Variants in RBCK1 observed in about 807,000 individuals in gnomAD.
RBCK1 encodes the protein ranBP-type and C3HC4-type zinc finger-containing protein 1.
A neutral mutation model predicts 71.1 loss-of-function variants in RBCK1; 44 were observed. The ratio of observed to expected loss-of-function variants is 0.62; its 90% CI spans 0.49 to 0.80. RBCK1 has a LOEUF of 0.80. Among genes scored for constraint, RBCK1 ranks in the 30% least tolerant of loss-of-function variants. The pLI is 0.00. For synonymous variants in RBCK1, 306 were observed against 279.7 expected (o/e 1.09, Z -0.94); for missense variants, 569 against 685.0 (o/e 0.83, Z 1.89).
chr20:426,374 A>G (rs1258563054), intron 8 of RBCK1, among the ~76,000 whole-genome samples: 4 of 152,154 alleles, frequency 2.6e-5, no homozygotes, highest in Non-Finnish European at 5.9e-5. Context: ...AGCCTCTGGT[A>G]AGCATCCTTT....
At position 431,722 on chromosome 20, in the gene RBCK1, G is replaced by T. The variant is rs2017020105; in HGVS notation, c.*1292G>T. ...TGTGCGCAGAGCTGTCTGAGAATGT[G>T]TGAGTGGACTGGGTCCTTCGGCACT... is the stretch of plus-strand genomic sequence containing the variant. On this transcript the variant is annotated 3_prime_UTR_variant, in exon 12 of 12. Coordinates refer to ENST00000356286, the MANE Select transcript of RBCK1 (RefSeq NM_031229.4). The surrounding 1 kb of genome is among the most constrained non-coding windows in gnomAD (Gnocchi z 4.8). 6.6e-6 allele frequency among the ~76,000 whole-genome samples: 1 copy of T among 152,252 alleles called. No homozygotes were observed. The highest frequency in any genetic ancestry group is 2.1e-4 in the South Asian group (1 of 4,830).
At chr20:426,121 A>G (rs1363901306) in intron 8 of RBCK1, among the ~76,000 whole-genome samples, 2 of 152,218 alleles carry the variant, frequency 1.3e-5, no homozygotes, top group Non-Finnish European at 2.9e-5. Flanking sequence ...TCTGGGGTAC[A>G]TGAAATACTT....
At chr20:421,395 G>A (rs1476838371) in intron 7 of RBCK1, among the ~76,000 whole-genome samples, 4 of 152,202 alleles carry the variant, frequency 2.6e-5, no homozygotes, top group Non-Finnish European at 4.4e-5. Context: ...CCTGAATGTG[G>A]GGAACACAGA....
At chr20:421,648 G>A (rs1364884323) in intron 7 of RBCK1, among the ~76,000 whole-genome samples, 1 of 152,182 alleles carries the variant, frequency 6.6e-6, no homozygotes, top group African/African-American at 2.4e-5. Flanking sequence ...AAGGCCTGCT[G>A]TAGGTGTGGG....
At chr20:410,194 G>A (rs1445385923) in intron 2 of RBCK1, among the ~76,000 whole-genome samples, 169 bp downstream of exon 2, 1 of 152,228 alleles carries the variant, frequency 6.6e-6, no homozygotes, top group African/African-American at 2.4e-5. Flanking sequence ...TCACCTCTCA[G>A]TGTGTCCTCA....
chr20:409,656 A>T (rs531033984), intron 1 of RBCK1, among the ~76,000 whole-genome samples: 3 of 152,254 alleles, frequency 2.0e-5, no homozygotes, highest in East Asian at 3.9e-4. Context: ...GGGAATGGGA[A>T]GGACAAACAA....
At chr20:411,561 G>T (rs1326771317) in intron 2 of RBCK1, among the ~76,000 whole-genome samples, 1 of 152,168 alleles carries the variant, frequency 6.6e-6, no homozygotes, top group African/African-American at 2.4e-5. Context: ...TAGAGACGGG[G>T]TTTCGCCGTG....
At chr20:413,334 A>T (rs1358782) in intron 2 of RBCK1, among the ~76,000 whole-genome samples, 1 of 151,846 alleles carries the variant, frequency 6.6e-6, no homozygotes, top group South Asian at 2.1e-4. Flanking sequence ...AACAACTGGG[A>T]ATTTTGGTAG....
chr20:408,755 C>T lies in RBCK1; in HGVS notation c.-3C>T, dbSNP rs972942251. 2.5e-6 allele frequency: 4 copies of T among 1,612,580 alleles called. No individual in the cohort carries two copies. The highest frequency in any genetic ancestry group is 3.3e-5 in the Admixed American group (2 of 59,806). Reference sequence around the variant, plus strand: ...CCCAGGGGGATGGGCACAGCCACGCCAGATGGACGAGAAGACCAAGAAAGG... The same window carrying T: ...CCCAGGGGGATGGGCACAGCCACGCTAGATGGACGAGAAGACCAAGAAAGG... On this transcript the variant is annotated 5_prime_UTR_variant, in exon 1 of 12. Coordinates refer to ENST00000356286, the MANE Select transcript of RBCK1 (RefSeq NM_031229.4).
Position 415,240 on chromosome 20 carries a change from C to T in RBCK1, c.168-2286C>T, listed in dbSNP as rs113232753. Among the ~76,000 whole-genome samples the T allele has an allele frequency of 4.6e-3, 698 of 152,062 alleles. 8 individuals are homozygous for T. Among genetic ancestry groups the T allele is most frequent in the African/African-American group, 0.015 (641 of 41,462 alleles). On this transcript the variant is annotated intron_variant, in intron 2 of 11. Transcript: ENST00000356286. ...AACATTAGCTAGGCATGGTGGTGCG[C>T]CCATCTAGTCCCAGCTACCCAGGAG... is the stretch of plus-strand genomic sequence containing the variant.
chr20:417,894 G>T lies in RBCK1; in HGVS notation c.424G>T (p.Glu142Ter). The change falls in exon 4 of 12, where the codon GAG (glutamate) becomes TAG (stop). Residue 142 changes from glutamate to a stop codon, truncating the protein, a stop_gained. Transcript: ENST00000356286. LOFTEE classifies it high-confidence loss of function. The surrounding 1 kb of genome is among the most constrained non-coding windows in gnomAD (Gnocchi z 4.7). ...SARNTSLNPQ[E>*]LQRERQLRML... ...CCGCAACACCTCCCTCAACCCTCAG[G>T]AGCTGCAGCGGGAGCGGCAGCTGCG... 1 of 1,611,980 alleles carries T rather than the reference G, an allele frequency of 6.2e-7. No homozygotes were observed. Among genetic ancestry groups the T allele is most frequent in the Non-Finnish European group, 8.5e-7 (1 of 1,179,984 alleles).
At position 427,312 on chromosome 20, in the gene RBCK1, G is replaced by T. The variant is rs746683237; in HGVS notation, c.1030-1G>T. 6.2e-7 allele frequency: 1 copy of T among 1,613,818 alleles called. No homozygotes were observed. Among genetic ancestry groups the T allele is most frequent in the Non-Finnish European group, 8.5e-7 (1 of 1,179,910 alleles). On this transcript the variant is annotated splice_acceptor_variant, in intron 8 of 11. Transcript: ENST00000356286. LOFTEE classifies it high-confidence loss of function. ...GCAGCAAGGACATGGTGTGTTGGCA[G>T]CTCCTGACCCCTGAGGATTACCAGC...
Position 425,902 on chromosome 20 carries a change from G to C in RBCK1, c.1030-1411G>C, listed in dbSNP as rs550551366. Among the ~76,000 whole-genome samples, 27 of 152,246 alleles carry C rather than the reference G, an allele frequency of 1.8e-4. No homozygotes were observed. The South Asian group carries it at 5.6e-3, about 32-fold the overall frequency. ...GGCCTCCCAGAGTGTTCAGATTACA[G>C]GCGTGATCCATCATTCCTGGCTGGT... is the stretch of plus-strand genomic sequence containing the variant. On this transcript the variant is annotated intron_variant, in intron 8 of 11. Transcript: ENST00000356286.
intron 1 of RBCK1, 173 bp from the exon 2 acceptor site, chr20:409,708 A>G: frequency 1.0e-6 from 1 of 961,114 alleles, no homozygotes; most frequent in Non-Finnish European, 1.5e-6. Context: ...AATATTAGAG[A>G]ACCCCTCCCG....
At position 431,583 on chromosome 20, in the gene RBCK1, G is replaced by A. The variant is rs2017016341; in HGVS notation, c.*1153G>A. Among the ~76,000 whole-genome samples the A allele has an allele frequency of 6.6e-6, 1 of 152,136 alleles. No individual in the cohort carries two copies. The highest frequency in any genetic ancestry group is 2.1e-4 in the South Asian group (1 of 4,830). On this transcript the variant is annotated 3_prime_UTR_variant, in exon 12 of 12. Coordinates refer to ENST00000356286, the MANE Select transcript of RBCK1 (RefSeq NM_031229.4). This position sits in a 1 kb window ranked among gnomAD's most constrained non-coding sequence, Gnocchi z 4.8. ...GTGACCATCATCATAGCAGGCAGAG[G>A]GCGCCTCTGCTGCTGAAGGCCTGTG...
rs1401264634 is a variant in RBCK1 at position 422,312 on chromosome 20, ATCTT to A, written c.1029+80_1029+83del. The stretch of plus-strand genomic sequence containing the variant: ...ACTGGGCCCTGAGCAGGCAGCAGAC[ATCTT>A]TCTTTTCTTTCTTTTTTTTTTTTGG... On this transcript the variant is annotated intron_variant, in intron 8 of 11. Coordinates refer to ENST00000356286, the MANE Select transcript of RBCK1 (RefSeq NM_031229.4). The surrounding 1 kb of genome is among the most constrained non-coding windows in gnomAD (Gnocchi z 5.0). 1.4e-5 allele frequency: 17 copies of A among 1,243,062 alleles called. No homozygotes were observed. The highest frequency in any genetic ancestry group is 1.7e-5 in the Non-Finnish European group (15 of 867,690). 77.0% of individuals were successfully genotyped at this position (1,243,062 alleles called of 1,614,324 possible). A position where few individuals can be genotyped will look rare whatever the true frequency, so the allele number is the denominator to read the frequency against.
Position 430,407 on chromosome 20 carries a change from C to T in RBCK1, c.1510C>T (p.Pro504Ser). ...CAGGGTAAATGGGATTCCTTGCCAC[C>T]CAAGCTGTCAGAACTGCCACTGAGC... ...RCRVNGIPCH[P>S]SCQNCH is the part of the protein sequence containing the mutation. Residue 504 changes from proline (P) to serine (S), a missense_variant, in exon 12 of 12, where the codon CCA becomes TCA. Transcript: ENST00000356286. The surrounding 1 kb of genome is among the most constrained non-coding windows in gnomAD (Gnocchi z 5.6). The T allele has an allele frequency of 6.2e-7, 1 of 1,613,326 alleles. No homozygotes were observed. The highest frequency in any genetic ancestry group is 8.5e-7 in the Non-Finnish European group (1 of 1,179,240).
rs2015518141 is a variant in RBCK1, at chr20:408,728, C to T, written c.-30C>T. On this transcript the variant is annotated 5_prime_UTR_variant, in exon 1 of 12. Coordinates refer to ENST00000356286, the MANE Select transcript of RBCK1 (RefSeq NM_031229.4). ...TAGCATTTCCCAGGAGGCACGGTCC[C>T]CCCCAGGGGGATGGGCACAGCCACG... 1 of 1,612,104 alleles carries T rather than the reference C, an allele frequency of 6.2e-7. No homozygotes were observed. The highest frequency in any genetic ancestry group is 8.5e-7 in the Non-Finnish European group (1 of 1,179,482).
Position 431,486 on chromosome 20 carries a change from G to A in RBCK1, c.*1056G>A, listed in dbSNP as rs1368354239. On this transcript the variant is annotated 3_prime_UTR_variant, in exon 12 of 12. Coordinates refer to ENST00000356286, the MANE Select transcript of RBCK1 (RefSeq NM_031229.4). The surrounding 1 kb of genome is among the most constrained non-coding windows in gnomAD (Gnocchi z 4.8). ...TGTTCATTCTCTAAGTCTTTCCTCC[G>A]CTCTGTGACCCACCCTCCTTCCCCT... Among the ~76,000 whole-genome samples, 4 of 152,172 alleles carry A rather than the reference G, an allele frequency of 2.6e-5. No homozygotes were observed. The highest frequency in any genetic ancestry group is 2.1e-4 in the South Asian group (1 of 4,832).
Sources: gnomAD v4.1 joint callset for allele counts (sites outside exome capture counted in the v4.1 genomes callset) on GRCh38, gnomAD v4.1.1 for gene constraint, Gnocchi (gnomAD v3.1) non-coding constraint, MANE v1.5 for transcripts, NCBI Gene and HGNC (gene_info 2026-07-23, HGNC 2026-07-21) for gene names.